MAP4: variants seen among roughly 807,000 people sequenced by gnomAD.
The protein encoded by MAP4 is microtubule associated protein 4, also known as microtubule-associated protein 4.
In MAP4, 76 loss-of-function variants were observed where a neutral mutation model predicts 170.2. The ratio of observed to expected loss-of-function variants is 0.45; its 90% confidence interval spans 0.37 to 0.54. The LOEUF (loss-of-function observed/expected upper bound fraction) is 0.54. MAP4 is among the 20% of genes least tolerant of loss of function. MAP4 has a pLI of 0.00. For missense variants in MAP4, 2,506 were observed against 2,748.0 expected (o/e 0.91, Z 1.97); for synonymous variants, 909 against 994.5 (o/e 0.91, Z 1.62).
In MAP4 at chr3:47,853,350, A is replaced by T; in HGVS notation, c.6699T>A (p.Thr2233=). Residue 2233 remains threonine, a splice_region_variant and synonymous_variant, in exon 20 of 21, where the codon ACT becomes ACA. Coordinates refer to ENST00000683076, the MANE Select transcript of MAP4 (RefSeq NM_001385682.1). ...GHLPAGGAVK[T]EGGGSEAPLC... ...GAGGAGCCTCGCTGCCACCGCCCTC[A>T]GTCTACAATGAAACAGTGGGGGAGA... The T allele has an allele frequency of 6.2e-7, 1 of 1,602,658 alleles. No individual in the cohort carries two copies. The highest frequency in any genetic ancestry group is 8.5e-7 in the Non-Finnish European group (1 of 1,176,388).
chr3:47,946,102 T>A (rs1445124059), intron 3 of MAP4, among the ~76,000 whole-genome samples: 3 of 138,626 alleles, frequency 2.2e-5, no homozygotes, highest in African/African-American at 8.0e-5. Flanking sequence ...GCTTGGCTAA[T>A]TTTTTTTTTT....
At chr3:47,976,075 C>A (rs2100081985) in intron 3 of MAP4, among the ~76,000 whole-genome samples, 1 of 152,204 alleles carries the variant, frequency 6.6e-6, no homozygotes. Flanking sequence ...CAGGCGTGAG[C>A]CACCGCGCCC....
At chr3:47,942,420 G>C (rs1295515617) in intron 3 of MAP4, among the ~76,000 whole-genome samples, 1 of 151,802 alleles carries the variant, frequency 6.6e-6, no homozygotes, top group South Asian at 2.1e-4. Flanking sequence ...TCACTTTGTT[G>C]CCTAGGCTGG....
At chr3:47,945,330 C>A (rs896023512) in intron 3 of MAP4, among the ~76,000 whole-genome samples, 3 of 151,960 alleles carry the variant, frequency 2.0e-5, no homozygotes, top group African/African-American at 7.2e-5. Flanking sequence ...TCATGAGAAC[C>A]TATGCATACA....
At chr3:48,073,598 C>A (rs6791834) in intron 1 of MAP4, among the ~76,000 whole-genome samples, 90,741 of 147,532 alleles carry the variant, frequency 0.62, 28,658 homozygotes, top group East Asian at 0.71. Flanking sequence ...GTGATAAAAG[C>A]AAAACTCCAT....
intron 1 of MAP4, among the ~76,000 whole-genome samples, chr3:48,008,554 G>A (rs1386871231): frequency 1.3e-5 from 2 of 152,204 alleles, no homozygotes; most frequent in Non-Finnish European, 2.9e-5. Context: ...TCAGGGACTT[G>A]GAAGGAGCAT....
At chr3:48,010,639 T>C (rs1039534749) in intron 1 of MAP4, among the ~76,000 whole-genome samples, 2 of 152,184 alleles carry the variant, frequency 1.3e-5, no homozygotes, top group African/African-American at 4.8e-5. Flanking sequence ...TACTGTCAAC[T>C]TGATTGGACT....
At chr3:48,065,167 C>A (rs1379603287) in intron 1 of MAP4, among the ~76,000 whole-genome samples, 1 of 152,062 alleles carries the variant, frequency 6.6e-6, no homozygotes, top group African/African-American at 2.4e-5. Flanking sequence ...TAAAAAAGAA[C>A]CTCTGCACAA....
intron 1 of MAP4, among the ~76,000 whole-genome samples, chr3:48,076,733 A>T (rs2100144134): frequency 6.6e-6 from 1 of 152,148 alleles, no homozygotes; most frequent in Admixed American, 6.6e-5. Flanking sequence ...AAAACAAACA[A>T]AAGAGAAATC....
intron 3 of MAP4, among the ~76,000 whole-genome samples, chr3:47,929,956 C>A (rs1182608784): frequency 6.6e-6 from 1 of 151,712 alleles, no homozygotes; most frequent in Non-Finnish European, 1.5e-5. Flanking sequence ...GGGTGACACC[C>A]CATCTCTACT....
chr3:47,857,651 A>C, intron 17 of MAP4, 139 bp from the exon 18 acceptor site: 1 of 656,578 alleles, frequency 1.5e-6, no homozygotes, highest in Non-Finnish European at 2.7e-6. Context: ...GGTCAAAGAC[A>C]AGGTCATCTC....
intron 1 of MAP4, among the ~76,000 whole-genome samples, chr3:48,046,891 G>A (rs1311792388): frequency 6.6e-6 from 1 of 151,882 alleles, no homozygotes; most frequent in East Asian, 1.9e-4. Flanking sequence ...TCAGGAGATC[G>A]AGACCATCCT....
At chr3:47,923,907 G>C (rs1169717562) in intron 4 of MAP4, among the ~76,000 whole-genome samples, 1 of 152,166 alleles carries the variant, frequency 6.6e-6, no homozygotes, top group Non-Finnish European at 1.5e-5. Flanking sequence ...ATTCTTCCCA[G>C]TTCTATATGG....
At chr3:47,897,734 C>T (rs933623443) in intron 10 of MAP4, among the ~76,000 whole-genome samples, 3 of 151,428 alleles carry the variant, frequency 2.0e-5, no homozygotes, top group Non-Finnish European at 4.4e-5. Flanking sequence ...GTCAGGAGTT[C>T]GAGACCAGCC....
intron 1 of MAP4, among the ~76,000 whole-genome samples, chr3:48,055,306 A>G (rs1329512723): frequency 6.6e-6 from 1 of 151,384 alleles, no homozygotes; most frequent in Non-Finnish European, 1.5e-5. Flanking sequence ...GCTCACTGCA[A>G]CCTCCCTGCC....
At chr3:47,913,018 A>T (rs1386378970) in intron 8 of MAP4, among the ~76,000 whole-genome samples, 1 of 152,248 alleles carries the variant, frequency 6.6e-6, no homozygotes, top group African/African-American at 2.4e-5. Context: ...AAAAATTCTC[A>T]TGATTCCAGA....
chr3:47,925,716 T>C (rs921165546), intron 4 of MAP4, among the ~76,000 whole-genome samples: 2 of 152,116 alleles, frequency 1.3e-5, no homozygotes, highest in African/African-American at 2.4e-5. Flanking sequence ...TTGCTTAGGG[T>C]TGCAGTGGAT....
At chr3:47,965,824 GCCT>G (rs2100074529) in intron 3 of MAP4, among the ~76,000 whole-genome samples, 1 of 151,796 alleles carries the variant, frequency 6.6e-6, no homozygotes, top group East Asian at 1.9e-4. Context: ...CAAATATTTT[GCCT>G]CCATGGGTTG....
chr3:48,059,322 C>A (rs2100133894), intron 1 of MAP4, among the ~76,000 whole-genome samples: 2 of 151,730 alleles, frequency 1.3e-5, no homozygotes, highest in African/African-American at 4.8e-5. Context: ...CGAGACCACC[C>A]TGGGCAACAT....
Sources: gnomAD v4.1 joint callset for allele counts (sites outside exome capture counted in the v4.1 genomes callset) on GRCh38, gnomAD v4.1.1 for gene constraint, MANE v1.5 for transcripts, NCBI Gene and HGNC (gene_info 2026-07-23, HGNC 2026-07-21) for gene names.